Variants in DENND2B observed in about 807,000 individuals in gnomAD.
The protein encoded by DENND2B is DENN domain-containing protein 2B.
Under a neutral mutation model 116.0 loss-of-function variants are expected in DENND2B, and 32 were observed. The observed-to-expected ratio is 0.28, with a 90% CI of 0.21 to 0.37. The LOEUF (loss-of-function observed/expected upper bound fraction) is 0.37, where lower values mean the gene tolerates loss of function less well. Among genes scored for constraint, DENND2B ranks in the 10% least tolerant of loss-of-function variants. The probability of loss-of-function intolerance (pLI) is 1.00; values close to 1 mark genes in which losing one functional copy is unlikely to be tolerated. For missense variants in DENND2B, 1,276 were observed against 1,477.7 expected (o/e 0.86, Z 2.24); for synonymous variants, 588 against 583.9 (o/e 1.01, Z -0.10).
At chr11:8,908,782 A>C (rs1050400383) in intron 1 of DENND2B, among the ~76,000 whole-genome samples, 1 of 152,188 alleles carries the variant, frequency 6.6e-6, no homozygotes, top group African/African-American at 2.4e-5. Flanking sequence ...TGTTCTTGGT[A>C]TTATAGATTT....
In DENND2B at chr11:8,774,915, C is replaced by G. The variant is rs940323768; in HGVS notation, c.-25-24190G>C. ...CTTTTTTTTGAGACAGAGTCTCTCTCTGTTGCCTAGGCTGCAGTGCAATGG... is the reference window on the plus strand; with the variant it reads ...CTTTTTTTTGAGACAGAGTCTCTCTGTGTTGCCTAGGCTGCAGTGCAATGG... On this transcript the variant is annotated intron_variant, in intron 1 of 19. Transcript: ENST00000313726. Among the ~76,000 whole-genome samples, 3 of 150,338 alleles carry G rather than the reference C, an allele frequency of 2.0e-5. No individual in the cohort carries two copies. The South Asian group carries it at 6.3e-4, about 31-fold the overall frequency.
chr11:8,761,396 G>A (rs998983407), intron 1 of DENND2B, among the ~76,000 whole-genome samples: 3 of 152,090 alleles, frequency 2.0e-5, no homozygotes, highest in African/African-American at 7.2e-5. Context: ...CCTGCTCCTG[G>A]GGACCAACCA....
intron 4 of DENND2B, among the ~76,000 whole-genome samples, chr11:8,722,865 C>T (rs1423898154): frequency 6.6e-6 from 1 of 152,168 alleles, no homozygotes; most frequent in Non-Finnish European, 1.5e-5. Flanking sequence ...CTGCATCCTC[C>T]CCCTCTCTTC....
At chr11:8,757,581 T>C (rs2053835749) in intron 1 of DENND2B, among the ~76,000 whole-genome samples, 1 of 152,250 alleles carries the variant, frequency 6.6e-6, no homozygotes, top group African/African-American at 2.4e-5. Context: ...GAGCATTTAT[T>C]ATGAGACACG....
chr11:8,876,076 C>CTT (rs1012417712), upstream of DENND2B, among the ~76,000 whole-genome samples: 22 of 152,258 alleles, frequency 1.4e-4, no homozygotes, highest in African/African-American at 5.1e-4. Flanking sequence ...TAATCAAGAT[C>CTT]TTAAGAGAAG....
Position 8,730,665 on chromosome 11 carries a change from C to CGCTGGGACAGCCCAG in DENND2B, c.610_624dup (p.Leu204_Ser208dup). 6.2e-7 allele frequency: 1 copy of CGCTGGGACAGCCCAG among 1,612,386 alleles called. No homozygotes were observed. Among genetic ancestry groups the CGCTGGGACAGCCCAG allele is most frequent in the Non-Finnish European group, 8.5e-7 (1 of 1,179,802 alleles). ...TCAGAGCTGCAGGGGGACGGCACCA[C>CGCTGGGACAGCCCAG]GCTGGGACAGCCCAGGCTGGGGCAG... On this transcript the variant is annotated inframe_insertion, in exon 3 of 20. Transcript: ENST00000313726. This position sits in a 1 kb window ranked among gnomAD's most constrained non-coding sequence, Gnocchi z 4.1.
At chr11:8,786,006 C>T (rs1318421550) in intron 1 of DENND2B, among the ~76,000 whole-genome samples, 3 of 152,132 alleles carry the variant, frequency 2.0e-5, no homozygotes, top group Non-Finnish European at 4.4e-5. Context: ...TATTACAGAA[C>T]TCGGGGTCTT....
At chr11:8,765,016 T>C (rs1477248751) in intron 1 of DENND2B, among the ~76,000 whole-genome samples, 4 of 151,868 alleles carry the variant, frequency 2.6e-5, no homozygotes, top group Non-Finnish European at 5.9e-5. Context: ...CCCTAAATTC[T>C]GGTTGTCAAA....
At chr11:8,829,866 G>C (rs907312748) in intron 4 of DENND2B, among the ~76,000 whole-genome samples, 1 of 152,128 alleles carries the variant, frequency 6.6e-6, no homozygotes, top group Non-Finnish European at 1.5e-5. Flanking sequence ...TCTGCTGAAT[G>C]AAAAAGTGCT....
At chr11:8,803,456 T>A (rs1320131119) in intron 1 of DENND2B, among the ~76,000 whole-genome samples, 1 of 152,168 alleles carries the variant, frequency 6.6e-6, no homozygotes, top group Non-Finnish European at 1.5e-5. Context: ...AAGAGGAGAC[T>A]GAACCCTAGA....
chr11:8,906,546 CTGTTTATAT>C (rs1350308576), intron 1 of DENND2B, among the ~76,000 whole-genome samples: 1 of 150,362 alleles, frequency 6.7e-6, no homozygotes, highest in Non-Finnish European at 1.5e-5. Context: ...TAAATTTCAA[CTGTTTATAT>C]TAAATATCTT....
At chr11:8,772,318 G>C (rs1455390738) in intron 1 of DENND2B, among the ~76,000 whole-genome samples, 1 of 152,050 alleles carries the variant, frequency 6.6e-6, no homozygotes, top group East Asian at 1.9e-4. Context: ...CCTGAGGAGG[G>C]GGTTGTGGGA....
At chr11:8,743,751 TC>T (rs202088779) in intron 2 of DENND2B, among the ~76,000 whole-genome samples, 9 of 150,682 alleles carry the variant, frequency 6.0e-5, no homozygotes, top group African/African-American at 1.5e-4. Context: ...GCTTATCTCT[TC>T]CTTTTTTTTT....
upstream of DENND2B, among the ~76,000 whole-genome samples, chr11:8,875,090 G>A (rs1007712866): frequency 1.3e-5 from 2 of 152,084 alleles, no homozygotes; most frequent in Non-Finnish European, 2.9e-5. Flanking sequence ...TTGGGAGGCC[G>A]AGGAGGGCAG....
At chr11:8,715,260 T>C (rs2044524269) in intron 6 of DENND2B, among the ~76,000 whole-genome samples, 1 of 152,180 alleles carries the variant, frequency 6.6e-6, no homozygotes, top group African/African-American at 2.4e-5. Flanking sequence ...CTGAGAGTTA[T>C]AGGAAGAACC....
intron 4 of DENND2B, among the ~76,000 whole-genome samples, chr11:8,824,889 C>T (rs12184461): frequency 1.4e-5 from 2 of 145,874 alleles, no homozygotes; most frequent in African/African-American, 5.1e-5. Flanking sequence ...AGTAGAGACA[C>T]GGTTTCGCCA....
chr11:8,786,330 AT>A (rs915839306), intron 1 of DENND2B, among the ~76,000 whole-genome samples: 37 of 151,834 alleles, frequency 2.4e-4, no homozygotes, highest in African/African-American at 8.8e-4. Context: ...CAAGAAAAAA[AT>A]AAATAAATAA....
intron 4 of DENND2B, among the ~76,000 whole-genome samples, chr11:8,821,614 G>A (rs182531684): frequency 6.6e-6 from 1 of 151,914 alleles, no homozygotes; most frequent in Non-Finnish European, 1.5e-5. Context: ...TGGCAATTAC[G>A]AAGACTTTAT....
intron 4 of DENND2B, among the ~76,000 whole-genome samples, chr11:8,725,523 T>C (rs2046948573): frequency 6.6e-6 from 1 of 152,070 alleles, no homozygotes; most frequent in Admixed American, 6.6e-5. Flanking sequence ...TACAGGTGCC[T>C]GCCACCATGC....
Sources: allele counts gnomAD v4.1 joint callset (sites outside exome capture counted in the v4.1 genomes callset), GRCh38; gene constraint gnomAD v4.1.1; non-coding constraint Gnocchi (gnomAD v3.1); transcripts MANE v1.5; gene names NCBI Gene and HGNC (gene_info 2026-07-23, HGNC 2026-07-21).